COL4A2: variants seen among roughly 807,000 people sequenced by gnomAD.
COL4A2 encodes the protein collagen alpha-2(IV) chain.
A neutral mutation model predicts 200.2 loss-of-function variants in COL4A2; 99 were observed. The observed-to-expected ratio is 0.49, with a 90% CI of 0.42 to 0.58. COL4A2 has a LOEUF of 0.58. Among genes scored for constraint, COL4A2 ranks in the 20% least tolerant of loss-of-function variants. The pLI is 0.00. For synonymous variants in COL4A2, 897 were observed against 900.6 expected, an observed-to-expected ratio of 1.00 and a Z score of 0.07; for missense variants, 1,950 against 2,314.1, an observed-to-expected ratio of 0.84 and a Z score of 3.23.
At chr13:110,326,660 G>A (rs956831448) in intron 3 of COL4A2, among the ~76,000 whole-genome samples, 8 of 152,156 alleles carry the variant, frequency 5.3e-5, no homozygotes, top group African/African-American at 1.7e-4. Flanking sequence ...GAGGGGACAC[G>A]CTGGGCCCTT....
intron 4 of COL4A2, among the ~76,000 whole-genome samples, chr13:110,379,575 C>T (rs915130887): frequency 6.6e-6 from 1 of 152,212 alleles, no homozygotes; most frequent in Non-Finnish European, 1.5e-5. Context: ...CCTCCCTTCT[C>T]ATGCACCCCC....
In COL4A2 at chr13:110,508,081, G is replaced by A. The variant is rs373615754; in HGVS notation, c.4741G>A (p.Asp1581Asn). The A allele has an allele frequency of 3.7e-6, 6 of 1,614,248 alleles. No homozygotes were observed. Among genetic ancestry groups the A allele is most frequent in the Non-Finnish European group, 5.1e-6 (6 of 1,180,046 alleles). ...GCTGCCCATGATGCCCGTGGCCGAGGACGAGATCAAGCCCTACATCAGCCG... is the reference window on the plus strand; with the variant it reads ...GCTGCCCATGATGCCCGTGGCCGAGAACGAGATCAAGCCCTACATCAGCCG... Reference protein sequence around the residue: ...APLPMMPVAEDEIKPYISRCS... With the variant: ...APLPMMPVAENEIKPYISRCS... Residue 1581 changes from aspartate to asparagine, a missense_variant, in exon 47 of 48, where the codon GAC becomes AAC. This residue lies in a region of COL4A2 where 1,385 missense variants were observed against 1,720.5 expected (regional missense o/e 0.80). Transcript: ENST00000360467. The surrounding 1 kb of genome is among the most constrained non-coding windows in gnomAD (Gnocchi z 6.1).
In COL4A2 at chr13:110,446,819, C is replaced by A. The variant is rs778627200; in HGVS notation, c.1033C>A (p.Pro345Thr). Reference protein sequence around the residue: ...GPKGEAGDPGPPGLPAYSPHP... With the variant: ...GPKGEAGDPGTPGLPAYSPHP... ...CTAGGGAGAAGCCGGAGACCCAGGG[C>A]CCCCTGGACTACCTGCCTACTCCCC... The change falls in exon 18 of 48, where the codon CCC (proline) becomes ACC (threonine). Residue 345 changes from proline (P) to threonine (T), a missense_variant. Around this residue, in one of 2 missense-constraint regions of COL4A2, gnomAD observed 565 missense variants for 593.5 expected, o/e 0.95. Coordinates refer to ENST00000360467, the MANE Select transcript of COL4A2 (RefSeq NM_001846.4). 2.5e-6 allele frequency: 4 copies of A among 1,611,226 alleles called. No homozygotes were observed. Among genetic ancestry groups the A allele is most frequent in the African/African-American group, 2.7e-5 (2 of 74,848 alleles).
At chr13:110,398,996 A>G (rs1879279435) in intron 4 of COL4A2, among the ~76,000 whole-genome samples, 1 of 152,138 alleles carries the variant, frequency 6.6e-6, no homozygotes, top group Non-Finnish European at 1.5e-5. Flanking sequence ...TTTTAGTTGT[A>G]AGAAGCTTTT....
intron 3 of COL4A2, among the ~76,000 whole-genome samples, chr13:110,321,208 GTA>G (rs564904701): frequency 0.012 from 1,750 of 146,506 alleles, 34 homozygotes; most frequent in African/African-American, 0.04. Context: ...GTGTCTGTGT[GTA>G]TATATATATA....
At chr13:110,355,292 T>TGG (rs540547054) in intron 3 of COL4A2, among the ~76,000 whole-genome samples, 1 of 138,022 alleles carries the variant, frequency 7.2e-6, no homozygotes, top group African/African-American at 3.3e-5. Context: ...CCTGTTTGTG[T>TGG]GGGGAGGGCT....
chr13:110,315,974 T>C (rs1345294715), intron 3 of COL4A2, among the ~76,000 whole-genome samples: 1 of 152,228 alleles, frequency 6.6e-6, no homozygotes, highest in Admixed American at 6.5e-5. Flanking sequence ...CTGTGGGTTT[T>C]TTTTTCCCAA....
chr13:110,365,798 G>T (rs556857169), intron 4 of COL4A2, among the ~76,000 whole-genome samples: 22 of 152,268 alleles, frequency 1.4e-4, no homozygotes, highest in Non-Finnish European at 2.2e-4. Flanking sequence ...ATATTTGAGC[G>T]TTGAAGGAAT....
chr13:110,470,017 C>T (rs192044816), intron 28 of COL4A2, among the ~76,000 whole-genome samples: 119 of 147,716 alleles, frequency 8.1e-4, no homozygotes, highest in African/African-American at 2.2e-3. Context: ...TGGGTTCAAG[C>T]GACTCTCCTG....
intron 8 of COL4A2, chr13:110,430,163 T>G (rs560006500): frequency 1.5e-6 from 1 of 682,676 alleles, no homozygotes; most frequent in African/African-American, 1.9e-5. Context: ...TTTCCCATAT[T>G]CACAATACTC....
intron 47 of COL4A2, among the ~76,000 whole-genome samples, chr13:110,509,270 T>TATATATACACACACACAC (rs1435137108): frequency 2.6e-5 from 3 of 115,600 alleles, no homozygotes; most frequent in African/African-American, 1.0e-4. Context: ...TATATATATA[T>TATATATACACACACACAC]ACACACACAC....
intron 37 of COL4A2, 68 bp from the exon 38 acceptor site, chr13:110,492,002 C>A: frequency 7.1e-7 from 1 of 1,407,890 alleles, no homozygotes; most frequent in South Asian, 1.4e-5. Flanking sequence ...GCCCCTCCTG[C>A]CAGGACCTCA....
At chr13:110,408,863 G>A (rs578244332) in intron 4 of COL4A2, among the ~76,000 whole-genome samples, 22 of 123,808 alleles carry the variant, frequency 1.8e-4, no homozygotes, top group Non-Finnish European at 2.6e-4. Context: ...ACACATACAC[G>A]CACATATACA....
intron 3 of COL4A2, among the ~76,000 whole-genome samples, chr13:110,337,225 A>G (rs1327746398): frequency 6.6e-6 from 1 of 152,238 alleles, no homozygotes; most frequent in East Asian, 1.9e-4. Flanking sequence ...GGGCGCCGGA[A>G]GTTTTAGAAG....
At chr13:110,408,815 ACACACACATG>A (rs1255614929) in intron 4 of COL4A2, among the ~76,000 whole-genome samples, 6 of 148,010 alleles carry the variant, frequency 4.1e-5, no homozygotes, top group African/African-American at 1.3e-4. Context: ...ATATATATAC[ACACACACATG>A]CACACACACA....
intron 3 of COL4A2, among the ~76,000 whole-genome samples, chr13:110,316,425 G>A (rs1352230432): frequency 6.6e-6 from 1 of 152,178 alleles, no homozygotes; most frequent in Non-Finnish European, 1.5e-5. Flanking sequence ...TCGGGAAGGA[G>A]CATCGCAGCG....
At chr13:110,363,352 G>A (rs1053012545) in intron 4 of COL4A2, among the ~76,000 whole-genome samples, 14 of 152,194 alleles carry the variant, frequency 9.2e-5, no homozygotes, top group Non-Finnish European at 1.8e-4. Context: ...TTTTCATGTA[G>A]CTAAGAGTTT....
chr13:110,508,475 C>A lies in COL4A2; in HGVS notation c.4881+254C>A. On this transcript the variant is annotated intron_variant, in intron 47 of 47. Transcript: ENST00000360467. The surrounding 1 kb of genome is among the most constrained non-coding windows in gnomAD (Gnocchi z 6.1). ...ACCAGGCCTTTGTAAGGAGTGTAACCAGGACGAACTTGCCTGTTATCCGTC... is the reference window on the plus strand; with the variant it reads ...ACCAGGCCTTTGTAAGGAGTGTAACAAGGACGAACTTGCCTGTTATCCGTC... 1.6e-6 allele frequency: 1 copy of A among 608,084 alleles called. No homozygotes were observed. Among genetic ancestry groups the A allele is most frequent in the Non-Finnish European group, 2.9e-6 (1 of 350,602 alleles). The allele number at this position is 608,084 out of a possible 1,614,324, so 37.7% of individuals were successfully genotyped here. A position where few individuals can be genotyped will look rare whatever the true frequency, so the allele number is the denominator to read the frequency against.
At chr13:110,494,417 T>G (rs967162152) in intron 39 of COL4A2, among the ~76,000 whole-genome samples, 5 of 152,246 alleles carry the variant, frequency 3.3e-5, no homozygotes, top group African/African-American at 1.2e-4. Flanking sequence ...TTTCATTTAA[T>G]TTTGAAATCT....
Sources: allele counts gnomAD v4.1 joint callset (sites outside exome capture counted in the v4.1 genomes callset), GRCh38; gene constraint gnomAD v4.1.1; regional missense constraint gnomAD v4.1.1; non-coding constraint Gnocchi (gnomAD v3.1); transcripts MANE v1.5; gene names NCBI Gene and HGNC (gene_info 2026-07-23, HGNC 2026-07-21).